The following SLC15A3 variants were observed in gnomAD, a reference collection of about 807,000 sequenced individuals.
SLC15A3 encodes osteoclast transporter.
SLC15A3 carries 39 observed loss-of-function variants against 49.2 expected under a neutral mutation model. The observed-to-expected ratio is 0.79, with a 90% CI of 0.61 to 1.04. The LOEUF (loss-of-function observed/expected upper bound fraction) is 1.04, where lower values mean the gene tolerates loss of function less well. Ranked by LOEUF, SLC15A3 falls within the 50% of genes least tolerant of loss-of-function variation. The probability of loss-of-function intolerance (pLI) is 0.00; values close to 1 mark genes in which losing one functional copy is unlikely to be tolerated. For synonymous variants in SLC15A3, 339 were observed against 367.0 expected, an observed-to-expected ratio of 0.92 and a Z score of 0.87; for missense variants, 758 against 794.8, an observed-to-expected ratio of 0.95 and a Z score of 0.56.
intron 1 of SLC15A3, among the ~76,000 whole-genome samples, chr11:60,949,819 A>G (rs1451907162): frequency 6.6e-6 from 1 of 152,250 alleles, no homozygotes; most frequent in Non-Finnish European, 1.5e-5. Context: ...TACCACTGTG[A>G]CAATCTTTTT....
At chr11:60,946,148 A>T (rs1483757976) in intron 2 of SLC15A3, among the ~76,000 whole-genome samples, 1 of 151,862 alleles carries the variant, frequency 6.6e-6, no homozygotes, top group Non-Finnish European at 1.5e-5. Context: ...ACAGGCCACC[A>T]CACCCCACTA....
intron 1 of SLC15A3, 26 bp from the exon 2 acceptor site, chr11:60,946,847 G>C: frequency 6.3e-7 from 1 of 1,593,862 alleles, no homozygotes; most frequent in Non-Finnish European, 8.5e-7. Flanking sequence ...GGGTGACAGT[G>C]AGGGCCAAAG....
chr11:60,938,621 C>T (rs1856661068), intron 6 of SLC15A3, among the ~76,000 whole-genome samples: 1 of 152,142 alleles, frequency 6.6e-6, no homozygotes, highest in South Asian at 2.1e-4. Flanking sequence ...AAGGTGCAGG[C>T]TCAGCGCACA....
At chr11:60,945,768 G>C (rs999451799) in intron 2 of SLC15A3, among the ~76,000 whole-genome samples, 1 of 152,172 alleles carries the variant, frequency 6.6e-6, no homozygotes, top group South Asian at 2.1e-4. Context: ...GAGTTTGGCC[G>C]ATTTCCTAAG....
chr11:60,949,054 G>T (rs553725954), intron 1 of SLC15A3, among the ~76,000 whole-genome samples: 1 of 152,210 alleles, frequency 6.6e-6, no homozygotes, highest in East Asian at 1.9e-4. Context: ...GGTCAGGGCT[G>T]GCCGGTCGCA....
Position 60,937,943 on chromosome 11 carries a change from G to GC in SLC15A3, c.1517dup (p.Ser507LeufsTer58). The stretch of plus-strand genomic sequence containing the variant: ...CCACTAGGCTGGAGCCCAACAGTGA[G>GC]CCCACCCCCGACAGGCAGAAGAAGA... On this transcript the variant is annotated frameshift_variant, in exon 7 of 8. Coordinates refer to ENST00000227880, the MANE Select transcript of SLC15A3 (RefSeq NM_016582.3). LOFTEE classifies it high-confidence loss of function. 1 of 1,614,208 alleles carries GC rather than the reference G, an allele frequency of 6.2e-7. No homozygotes were observed. The highest frequency in any genetic ancestry group is 8.5e-7 in the Non-Finnish European group (1 of 1,180,014).
chr11:60,941,074 T>G, intron 5 of SLC15A3, 48 bp downstream of exon 5: 1 of 1,562,906 alleles, frequency 6.4e-7, no homozygotes, highest in Non-Finnish European at 8.7e-7. Context: ...GGAAGCAGAC[T>G]TCCCCAAGCC....
intron 1 of SLC15A3, among the ~76,000 whole-genome samples, chr11:60,948,112 T>C (rs1164770874): frequency 1.3e-5 from 2 of 152,252 alleles, no homozygotes; most frequent in African/African-American, 4.8e-5. Context: ...GTAGTTGCAT[T>C]GGGGAAAAGA....
chr11:60,941,916 TC>T, intron 4 of SLC15A3, 118 bp downstream of exon 4: 1 of 983,988 alleles, frequency 1.0e-6, no homozygotes, highest in Non-Finnish European at 1.6e-6. Context: ...TTTTCCTGTA[TC>T]CTGAGGTTGC....
At chr11:60,939,987 A>G (rs1856687525) in intron 5 of SLC15A3, 1 of 240,686 alleles carries the variant, frequency 4.2e-6, no homozygotes, top group African/African-American at 2.2e-5. Context: ...AAGTTAAGCA[A>G]CTAGCCCACA....
At chr11:60,939,225 C>A (rs748089699) in intron 6 of SLC15A3, among the ~76,000 whole-genome samples, 1 of 152,302 alleles carries the variant, frequency 6.6e-6, no homozygotes, top group Non-Finnish European at 1.5e-5. Context: ...AACCTGGCAC[C>A]AGGGGAATAC....
rs771528408 is a variant in SLC15A3, at chr11:60,941,261, A to G, written c.1137T>C (p.Asn379=). 15 of 1,613,994 alleles carry G rather than the reference A, an allele frequency of 9.3e-6. No homozygotes were observed. The highest frequency in any genetic ancestry group is 5.5e-5 in the South Asian group (5 of 91,008). ...GGACCAGAATCAGCACCACCACAAC[A>G]TTGGCCAGGAGGAGCCAGGCTTCCG... ...TIPEAWLLLA[N]VVVVLILVPL... The change falls in exon 5 of 8, where the codon AAT becomes AAC. Residue 379 remains asparagine (N), a synonymous_variant. Transcript: ENST00000227880.
Position 60,937,233 on chromosome 11 carries a change from T to C in SLC15A3, c.1732A>G (p.Arg578Gly). ...QGPASHSRFS[R>G]DRG Reference sequence around the variant, plus strand: ...ATAGGGCCTGTTCAGCCCCTGTCCCTGCTGAAACGGCTGTGGGAGGCTGGG... The same window carrying C: ...ATAGGGCCTGTTCAGCCCCTGTCCCCGCTGAAACGGCTGTGGGAGGCTGGG... The change falls in exon 8 of 8, where the codon AGG (arginine) becomes GGG (glycine). Residue 578 changes from arginine (R) to glycine (G), a missense_variant. Coordinates refer to ENST00000227880, the MANE Select transcript of SLC15A3 (RefSeq NM_016582.3). 6.2e-7 allele frequency: 1 copy of C among 1,614,024 alleles called. No individual in the cohort carries two copies. The highest frequency in any genetic ancestry group is 1.3e-5 in the African/African-American group (1 of 75,056).
chr11:60,944,883 C>T (rs1307477333), intron 2 of SLC15A3, among the ~76,000 whole-genome samples: 1 of 152,212 alleles, frequency 6.6e-6, no homozygotes, highest in Non-Finnish European at 1.5e-5. Flanking sequence ...TTTCTGACCT[C>T]TTTTTGTCCA....
chr11:60,951,027 G>A lies in SLC15A3; in HGVS notation c.525C>T (p.Val175=), dbSNP rs1590646096. The part of the protein sequence containing the change: ...LLLLGLAASS[V]RSNLTSFGAD... ...CACCGAAGGAGGTGAGGTTGCTCCG[G>A]ACGGAGCTGGCGGCCAGGCCGAGTA... Residue 175 remains valine (V), a synonymous_variant, in exon 1 of 8, where the codon GTC becomes GTT. Transcript: ENST00000227880. 1 of 1,496,420 alleles carries A rather than the reference G, an allele frequency of 6.7e-7. No individual in the cohort carries two copies. Among genetic ancestry groups the A allele is most frequent in the Non-Finnish European group, 8.8e-7 (1 of 1,129,954 alleles). 92.7% of individuals were successfully genotyped at this position (1,496,420 alleles called of 1,614,324 possible).
At position 60,943,681 on chromosome 11, in the gene SLC15A3, A is replaced by G; in HGVS notation, c.996+8T>C. On this transcript the variant is annotated splice_region_variant and intron_variant, in intron 3 of 7. Transcript: ENST00000227880. ...AGGCCCCCAGAGAAAAAGGGCAGGT[A>G]TGCTCACCTGGAAGTAGACCATCCA... 7 of 1,530,198 alleles carry G rather than the reference A, an allele frequency of 4.6e-6. No homozygotes were observed. The highest frequency in any genetic ancestry group is 6.2e-6 in the Non-Finnish European group (7 of 1,132,936). 94.8% of individuals were successfully genotyped at this position (1,530,198 alleles called of 1,614,324 possible).
At chr11:60,943,067 A>C (rs1394479423) in intron 3 of SLC15A3, 1 of 152,222 alleles carries the variant, frequency 6.6e-6, no homozygotes, top group African/African-American at 2.4e-5. Context: ...TATCTGTATC[A>C]TCTGAAAAGT....
rs754278908 is a variant in SLC15A3 at position 60,939,490 on chromosome 11, G to A, written c.1425C>T (p.Ala475=). The change falls in exon 6 of 8, where the codon GCC becomes GCT. Residue 475 remains alanine, a synonymous_variant. Transcript: ENST00000227880. ...GGGGATCCAGGGTACCTGGGATGCT[G>A]GCAAAGATCTCACTGATCCCAATGA... The part of the protein sequence containing the change: ...YLLIGISEIF[A]SIPGLEFAYS... 6.2e-5 allele frequency: 100 copies of A among 1,613,998 alleles called. No individual in the cohort carries two copies. The highest frequency in any genetic ancestry group is 6.9e-5 in the Non-Finnish European group (81 of 1,179,980).
chr11:60,942,734 A>G (rs1235367241), intron 3 of SLC15A3: 1 of 152,476 alleles, frequency 6.6e-6, no homozygotes, highest in Non-Finnish European at 1.5e-5. Flanking sequence ...ACCAACTGGT[A>G]TGGAAGGAAG....
Sources: gnomAD v4.1 joint callset for allele counts (sites outside exome capture counted in the v4.1 genomes callset) on GRCh38, gnomAD v4.1.1 for gene constraint, MANE v1.5 for transcripts, NCBI Gene and HGNC (gene_info 2026-07-23, HGNC 2026-07-21) for gene names.